CREG2: variants seen among roughly 807,000 people sequenced by gnomAD.
CREG2 encodes protein CREG2.
CREG2 carries 24 observed loss-of-function variants against 26.2 expected under a neutral mutation model. That is an observed-to-expected ratio of 0.92 (90% confidence interval 0.66 to 1.29). The LOEUF (loss-of-function observed/expected upper bound fraction) is 1.29. Among genes scored for constraint, CREG2 ranks in the 50% most tolerant of loss-of-function variants. The pLI is 0.00. For missense variants in CREG2, 366 were observed against 398.6 expected, an observed-to-expected ratio of 0.92 and a Z score of 0.70; for synonymous variants, 174 against 169.2, an observed-to-expected ratio of 1.03 and a Z score of -0.22.
Position 101,383,555 on chromosome 2 carries a change from C to T in CREG2, c.589G>A (p.Glu197Lys). The stretch of plus-strand genomic sequence containing the variant: ...TACCTGCAGAACTCCCCTTCTGATT[C>T]TGGCAGCATCAGCGAGGCCATGGGG... ...KNPMASLMLP[E>K]SEGEFCRKNI... The change falls in exon 2 of 4, where the codon GAA becomes AAA. Residue 197 changes from glutamate to lysine, a missense_variant. Physicochemically the swap from Glu to Lys is moderately conservative, Grantham distance 56 (BLOSUM62 1). Transcript: ENST00000324768. The T allele has an allele frequency of 6.2e-7, 1 of 1,614,120 alleles. No individual in the cohort carries two copies. Among genetic ancestry groups the T allele is most frequent in the Non-Finnish European group, 8.5e-7 (1 of 1,180,040 alleles).
rs148299685 is a variant in CREG2, at chr2:101,372,899, G to A, written c.611+10634C>T. On this transcript the variant is annotated intron_variant, in intron 2 of 3. Coordinates refer to ENST00000324768, the MANE Select transcript of CREG2 (RefSeq NM_153836.4). Reference sequence around the variant, plus strand: ...AGCACACAAAAGGATGCTCAGCATCGTTAGTCATGAGGGAAATGCAAATCA... The same window carrying A: ...AGCACACAAAAGGATGCTCAGCATCATTAGTCATGAGGGAAATGCAAATCA... Among the ~76,000 whole-genome samples, 646 of 152,232 alleles carry A rather than the reference G, an allele frequency of 4.2e-3. 6 individuals are homozygous for A. Among genetic ancestry groups the A allele is most frequent in the African/African-American group, 0.015 (604 of 41,532 alleles).
In CREG2 at chr2:101,351,006, G is replaced by A. The variant is rs770395683; in HGVS notation, c.790C>T (p.His264Tyr). Residue 264 changes from histidine to tyrosine, a missense_variant, in exon 4 of 4, where the codon CAT (histidine) becomes TAT (tyrosine). By Grantham distance (83) the His-to-Tyr change is moderately conservative (BLOSUM62 2). Coordinates refer to ENST00000324768, the MANE Select transcript of CREG2 (RefSeq NM_153836.4). Reference protein sequence around the residue: ...EWFFMKMRIEHIWLQKWYGGA... With the variant: ...EWFFMKMRIEYIWLQKWYGGA... ...CCATACCATTTCTGAAGCCAGATAT[G>A]TTCTATCCTCATCTTCATAAAGAAC... is the stretch of plus-strand genomic sequence containing the variant. 8.1e-6 allele frequency: 13 copies of A among 1,614,106 alleles called. No homozygotes were observed. The highest frequency in any genetic ancestry group is 1.0e-5 in the Non-Finnish European group (12 of 1,179,928).
At chr2:101,355,752 G>C (rs59464423) in intron 2 of CREG2, among the ~76,000 whole-genome samples, 22,742 of 151,932 alleles carry the variant, frequency 0.15, 2,217 homozygotes, top group East Asian at 0.31. Flanking sequence ...CTTGCAGGAG[G>C]GGGAGTACAC....
chr2:101,386,586 T>A (rs547406758), intron 1 of CREG2, among the ~76,000 whole-genome samples: 1 of 152,334 alleles, frequency 6.6e-6, no homozygotes, highest in South Asian at 2.1e-4. Flanking sequence ...CCATCCCTGC[T>A]TCAGCTCCAG....
rs139434541 is a variant in CREG2, at chr2:101,375,951, A to G, written c.611+7582T>C. The G allele has an allele frequency of 7.4e-3, 1,274 of 172,016 alleles. 8 individuals are homozygous for G. Among genetic ancestry groups the G allele is most frequent in the Non-Finnish European group, 0.012 (934 of 77,810 alleles). The allele number at this position is 172,016 out of a possible 1,614,324, so 10.7% of individuals were successfully genotyped here. Reference sequence around the variant, plus strand: ...AGGGGGTGGATCTCAGAAGGCTGTCAAGGCAGGCCTGTCGGCAGTTTCAGC... The same window carrying G: ...AGGGGGTGGATCTCAGAAGGCTGTCGAGGCAGGCCTGTCGGCAGTTTCAGC... On this transcript the variant is annotated intron_variant, in intron 2 of 3. Transcript: ENST00000324768.
chr2:101,375,272 C>G lies in CREG2; in HGVS notation c.611+8261G>C, dbSNP rs551225696. On this transcript the variant is annotated intron_variant, in intron 2 of 3. Transcript: ENST00000324768. ...TCATTGAGGCCCACTGGGCTTCAAT[C>G]CATTCCATGGTCTGGCACCTCCCCT... Among the ~76,000 whole-genome samples, 9 of 152,170 alleles carry G rather than the reference C, an allele frequency of 5.9e-5. No homozygotes were observed. The South Asian group carries it at 1.9e-3, about 32-fold the overall frequency.
intron 2 of CREG2, among the ~76,000 whole-genome samples, chr2:101,376,734 T>A (rs1684797634): frequency 6.6e-6 from 1 of 152,216 alleles, no homozygotes; most frequent in Admixed American, 6.5e-5. Context: ...AATTTAATAA[T>A]CTCTTAAAGA....
At chr2:101,374,984 C>G (rs183679699) in intron 2 of CREG2, among the ~76,000 whole-genome samples, 2 of 152,274 alleles carry the variant, frequency 1.3e-5, no homozygotes, top group East Asian at 1.9e-4. Context: ...CAAACTGACC[C>G]GCCTGCTGAC....
rs1210071250 is a variant in CREG2 at position 101,349,351 on chromosome 2, T to C, written c.*1572A>G. The C allele has an allele frequency of 6.6e-6, 1 of 152,640 alleles. No individual in the cohort carries two copies. The highest frequency in any genetic ancestry group is 1.5e-5 in the Non-Finnish European group (1 of 68,044). 9.5% of individuals were successfully genotyped at this position (152,640 alleles called of 1,614,324 possible). A position where few individuals can be genotyped will look rare whatever the true frequency, so the allele number is the denominator to read the frequency against. On this transcript the variant is annotated 3_prime_UTR_variant, in exon 4 of 4. Coordinates refer to ENST00000324768, the MANE Select transcript of CREG2 (RefSeq NM_153836.4). Reference sequence around the variant, plus strand: ...ATAAAGAATTCTCTGCATCTTACTATGTTTTTAGCAATAGATAATTAAAAT... The same window carrying C: ...ATAAAGAATTCTCTGCATCTTACTACGTTTTTAGCAATAGATAATTAAAAT...
chr2:101,382,886 C>G (rs1451909154), intron 2 of CREG2: 2 of 985,470 alleles, frequency 2.0e-6, no homozygotes, highest in Admixed American at 1.2e-4. Flanking sequence ...GAGGGGATCT[C>G]ACATGCAGCT....
rs568162177 is a variant in CREG2, at chr2:101,385,185, T to A, written c.442-1483A>T. On this transcript the variant is annotated intron_variant, in intron 1 of 3. Coordinates refer to ENST00000324768, the MANE Select transcript of CREG2 (RefSeq NM_153836.4). ...ATTTATTTATTTATTTTATTAGTAT[T>A]ATTATTTTTTTGAGACAGAGTCTCA... 2.6e-5 allele frequency among the ~76,000 whole-genome samples: 4 copies of A among 152,262 alleles called. No individual in the cohort carries two copies. The East Asian group carries it at 7.7e-4, about 29-fold the overall frequency.
chr2:101,370,505 C>A (rs1291866896), intron 2 of CREG2, among the ~76,000 whole-genome samples: 1 of 152,158 alleles, frequency 6.6e-6, no homozygotes, highest in Non-Finnish European at 1.5e-5. Flanking sequence ...CAAAGCCAGG[C>A]AGATATTAAT....
chr2:101,383,806 G>C, intron 1 of CREG2, 104 bp from the exon 2 acceptor site: 1 of 1,092,152 alleles, frequency 9.2e-7, no homozygotes, highest in South Asian at 1.6e-5. Context: ...CCAGGGATGA[G>C]GGGGGATCAT....
intron 2 of CREG2, among the ~76,000 whole-genome samples, chr2:101,381,763 C>T (rs1297042814): frequency 6.6e-6 from 1 of 152,214 alleles, no homozygotes; most frequent in Non-Finnish European, 1.5e-5. Flanking sequence ...GTGCTCACCT[C>T]CAGCCTCGAG....
Position 101,386,998 on chromosome 2 carries a change from C to T in CREG2, c.441+19G>A. 3.2e-6 allele frequency: 4 copies of T among 1,232,550 alleles called. No homozygotes were observed. The highest frequency in any genetic ancestry group is 4.0e-6 in the Non-Finnish European group (4 of 988,910). The allele number at this position is 1,232,550 out of a possible 1,614,324, so 76.4% of individuals were successfully genotyped here. A position where few individuals can be genotyped will look rare whatever the true frequency, so the allele number is the denominator to read the frequency against. On this transcript the variant is annotated intron_variant, in intron 1 of 3. Transcript: ENST00000324768. The stretch of plus-strand genomic sequence containing the variant: ...CGCCTGAATGCCAGGCCCCCTCGCG[C>T]TCCCCGCCGGGCGCTCACCTTCTTG...
intron 2 of CREG2, among the ~76,000 whole-genome samples, chr2:101,367,201 G>A (rs774471384): frequency 9.2e-5 from 14 of 152,090 alleles, no homozygotes; most frequent in African/African-American, 4.8e-5. Context: ...CACAACAGAT[G>A]GCACCAGAAA....
Position 101,350,857 on chromosome 2 carries a change from G to T in CREG2, c.*66C>A. 2.0e-6 allele frequency: 3 copies of T among 1,533,138 alleles called. No individual in the cohort carries two copies. Among genetic ancestry groups the T allele is most frequent in the Non-Finnish European group, 2.7e-6 (3 of 1,114,126 alleles). 95.0% of individuals were successfully genotyped at this position (1,533,138 alleles called of 1,614,324 possible). A position where few individuals can be genotyped will look rare whatever the true frequency, so the allele number is the denominator to read the frequency against. On this transcript the variant is annotated 3_prime_UTR_variant, in exon 4 of 4. Transcript: ENST00000324768. ...AACAAAGAGACAGTGGTCAATAGCTGTCTGGCTGCATCACTGAAAAGGTTT... is the reference window on the plus strand; with the variant it reads ...AACAAAGAGACAGTGGTCAATAGCTTTCTGGCTGCATCACTGAAAAGGTTT...
chr2:101,385,079 C>T (rs918534071), intron 1 of CREG2, among the ~76,000 whole-genome samples: 1 of 152,140 alleles, frequency 6.6e-6, no homozygotes, highest in African/African-American at 2.4e-5. Context: ...TACCCAGCCT[C>T]AGGTATTTGT....
At chr2:101,365,635 C>T (rs1684608454) in intron 2 of CREG2, among the ~76,000 whole-genome samples, 1 of 152,168 alleles carries the variant, frequency 6.6e-6, no homozygotes, top group Admixed American at 6.5e-5. Context: ...TATAATGCCT[C>T]ATACTGTCCT....
Sources: allele counts gnomAD v4.1 joint callset (sites outside exome capture counted in the v4.1 genomes callset), GRCh38; gene constraint gnomAD v4.1.1; transcripts MANE v1.5; gene names NCBI Gene and HGNC (gene_info 2026-07-23, HGNC 2026-07-21).